PAPSS1: variants seen among roughly 807,000 people sequenced by gnomAD.
PAPSS1 encodes 3'-phosphoadenosine 5'-phosphosulfate synthase 1, also known as bifunctional 3'-phosphoadenosine 5'-phosphosulfate synthase 1.
In PAPSS1, 50 loss-of-function variants were observed where a neutral mutation model predicts 72.0. The ratio of observed to expected loss-of-function variants is 0.69; its 90% CI spans 0.55 to 0.88. PAPSS1 has a LOEUF of 0.88. Among genes scored for constraint, PAPSS1 ranks in the 40% least tolerant of loss-of-function variants. The pLI, the probability that PAPSS1 is intolerant of heterozygous loss-of-function variation, is 0.00. For synonymous variants in PAPSS1, 261 were observed against 263.6 expected (o/e 0.99, Z 0.09); for missense variants, 657 against 782.2 (o/e 0.84, Z 1.91).
rs1052518630 is a variant in PAPSS1, at chr4:107,720,201, G to C, written c.-22C>G. ...CCATGACCGCGGAGCGCGCTGAGCA[G>C]CCGGGGTTCTCTGCGCCGGGAGGGT... On this transcript the variant is annotated 5_prime_UTR_variant, in exon 1 of 12. Transcript: ENST00000265174. The C allele has an allele frequency of 3.1e-6, 5 of 1,595,920 alleles. No individual in the cohort carries two copies. Among genetic ancestry groups the C allele is most frequent in the Non-Finnish European group, 3.4e-6 (4 of 1,172,982 alleles).
At chr4:107,666,292 G>A (rs894918129) in intron 5 of PAPSS1, among the ~76,000 whole-genome samples, 3 of 152,118 alleles carry the variant, frequency 2.0e-5, no homozygotes, top group Non-Finnish European at 4.4e-5. Flanking sequence ...GCAGCAAGAA[G>A]TCTACTTCCT....
At chr4:107,673,805 G>T (rs574808935) in intron 5 of PAPSS1, among the ~76,000 whole-genome samples, 98 of 152,176 alleles carry the variant, frequency 6.4e-4, no homozygotes, top group African/African-American at 2.3e-3. Context: ...GAGAAAGGTC[G>T]GGTTACCCAA....
In PAPSS1 at chr4:107,687,089, T is replaced by C. The variant is rs746490969; in HGVS notation, c.500A>G (p.Gln167Arg). The change falls in exon 4 of 12, where the codon CAG (glutamine) becomes CGG (arginine). Residue 167 changes from glutamine (Q) to arginine (R), a missense_variant. Physicochemically the swap from Gln to Arg is conservative, Grantham distance 43 (BLOSUM62 1). Around this residue, in one of 7 missense-constraint regions of PAPSS1, gnomAD observed 119 missense variants for 171.1 expected, o/e 0.70. Coordinates refer to ENST00000265174, the MANE Select transcript of PAPSS1 (RefSeq NM_005443.5). ...FVDAPLHVCE[Q>R]RDVKGLYKKA... ...TTTGTAGAGTCCTTTGACATCCCTC[T>C]GTTCACAAACATGCAGAGGAGCATC... The C allele has an allele frequency of 7.5e-6, 12 of 1,604,154 alleles. No individual in the cohort carries two copies. Among genetic ancestry groups the C allele is most frequent in the South Asian group, 5.6e-5 (5 of 88,552 alleles).
Position 107,654,903 on chromosome 4 carries a change from G to A in PAPSS1, c.896-3C>T, listed in dbSNP as rs1367011919. On this transcript the variant is annotated splice_region_variant and splice_polypyrimidine_tract_variant and intron_variant, in intron 7 of 11. Coordinates refer to ENST00000265174, the MANE Select transcript of PAPSS1 (RefSeq NM_005443.5). ...TACTGACAAGTTAATGACACCTCCT[G>A]CAGAGCACAAAAGAACATGAAGCAC... 6.2e-7 allele frequency: 1 copy of A among 1,610,110 alleles called. No individual in the cohort carries two copies.
chr4:107,635,442 G>A (rs749758780), intron 10 of PAPSS1, among the ~76,000 whole-genome samples: 5 of 152,146 alleles, frequency 3.3e-5, no homozygotes, highest in Non-Finnish European at 5.9e-5. Flanking sequence ...CCACAAATAT[G>A]ATTCTTTTTG....
At chr4:107,710,259 G>T (rs1723453424) in intron 1 of PAPSS1, among the ~76,000 whole-genome samples, 5 of 152,022 alleles carry the variant, frequency 3.3e-5, no homozygotes. Flanking sequence ...CCATACACAG[G>T]AGAGAGAAAC....
At chr4:107,631,538 G>A (rs1189345639) in intron 11 of PAPSS1, 93 bp downstream of exon 11, 16 of 830,350 alleles carry the variant, frequency 1.9e-5, no homozygotes, top group Non-Finnish European at 2.9e-5. Flanking sequence ...CACAAAACCT[G>A]TCATCAGTAA....
chr4:107,640,220 G>T (rs1463624049), intron 10 of PAPSS1, among the ~76,000 whole-genome samples: 1 of 152,094 alleles, frequency 6.6e-6, no homozygotes, highest in East Asian at 1.9e-4. Context: ...GACAAAATGT[G>T]TATCTATAAC....
intron 5 of PAPSS1, among the ~76,000 whole-genome samples, chr4:107,670,737 T>A (rs1007350245): frequency 3.9e-5 from 6 of 152,234 alleles, no homozygotes; most frequent in Admixed American, 3.9e-4. Context: ...AGGATCTCAC[T>A]ATGTTGCCCA....
At chr4:107,646,292 G>GATAT (rs527908552) in intron 9 of PAPSS1, among the ~76,000 whole-genome samples, 1,772 of 142,760 alleles carry the variant, frequency 0.012, 20 homozygotes, top group Middle Eastern at 0.047. Flanking sequence ...TAGAACTACA[G>GATAT]ATATATATAT....
intron 8 of PAPSS1, among the ~76,000 whole-genome samples, chr4:107,654,004 C>T (rs1207644625): frequency 2.6e-5 from 4 of 152,154 alleles, no homozygotes; most frequent in Admixed American, 2.0e-4. Context: ...TCATCGAGTT[C>T]GATACAAATT....
chr4:107,691,812 A>T (rs1722929545), intron 3 of PAPSS1, among the ~76,000 whole-genome samples: 1 of 152,232 alleles, frequency 6.6e-6, no homozygotes, highest in South Asian at 2.1e-4. Flanking sequence ...TTAAGTGTTC[A>T]ATAAATGTTA....
chr4:107,627,157 T>C (rs1167019380), intron 11 of PAPSS1, among the ~76,000 whole-genome samples: 1 of 152,182 alleles, frequency 6.6e-6, no homozygotes. Flanking sequence ...TTAAACCAAC[T>C]GATCATGCAA....
At chr4:107,706,843 C>T (rs767310522) in intron 1 of PAPSS1, among the ~76,000 whole-genome samples, 2 of 152,206 alleles carry the variant, frequency 1.3e-5, no homozygotes, top group Non-Finnish European at 2.9e-5. Flanking sequence ...CTGCTGGAGT[C>T]CTCAGGGAGG....
chr4:107,708,508 T>C (rs1253632199), intron 1 of PAPSS1, among the ~76,000 whole-genome samples: 1 of 152,240 alleles, frequency 6.6e-6, no homozygotes, highest in Non-Finnish European at 1.5e-5. Flanking sequence ...AAGAAACATA[T>C]ATCTAATGAA....
chr4:107,652,767 CTTG>C (rs1436642200), intron 9 of PAPSS1, among the ~76,000 whole-genome samples: 4 of 152,096 alleles, frequency 2.6e-5, no homozygotes, highest in African/African-American at 9.7e-5. Flanking sequence ...CTGATTCTTC[CTTG>C]TTAAGTTTCT....
intron 2 of PAPSS1, among the ~76,000 whole-genome samples, chr4:107,695,023 G>C (rs1218478825): frequency 2.6e-5 from 4 of 151,518 alleles, no homozygotes; most frequent in African/African-American, 9.7e-5. Flanking sequence ...TTCTAATTCT[G>C]TAAGAATATC....
intron 1 of PAPSS1, among the ~76,000 whole-genome samples, chr4:107,706,523 T>C (rs1171818825): frequency 1.3e-5 from 2 of 152,218 alleles, no homozygotes; most frequent in Non-Finnish European, 2.9e-5. Flanking sequence ...TTTTCCAGAA[T>C]ACACTGAATT....
intron 5 of PAPSS1, among the ~76,000 whole-genome samples, chr4:107,668,989 T>C (rs557922892): frequency 2.6e-5 from 4 of 152,186 alleles, no homozygotes; most frequent in Admixed American, 6.5e-5. Context: ...AATTTGGTTA[T>C]TATTCCTTGC....
Sources: allele counts gnomAD v4.1 joint callset (sites outside exome capture counted in the v4.1 genomes callset), GRCh38; gene constraint gnomAD v4.1.1; regional missense constraint gnomAD v4.1.1; transcripts MANE v1.5; gene names NCBI Gene and HGNC (gene_info 2026-07-23, HGNC 2026-07-21).